BACH2: variants seen among roughly 807,000 people sequenced by gnomAD.
The protein encoded by BACH2 is transcription regulator protein BACH2.
In BACH2, 5 loss-of-function variants were observed where a neutral mutation model predicts 61.8. That is an observed-to-expected ratio of 0.08 (90% CI 0.04 to 0.17). The LOEUF (loss-of-function observed/expected upper bound fraction) is 0.17, where lower values mean the gene tolerates loss of function less well. BACH2 is among the 10% of genes least tolerant of loss of function. BACH2 has a pLI of 1.00. For synonymous variants in BACH2, 446 were observed against 440.1 expected (o/e 1.01, Z -0.17); for missense variants, 824 against 1,091.1 (o/e 0.76, Z 3.45).
At chr6:90,138,891 T>C (rs1341591728) in intron 4 of BACH2, among the ~76,000 whole-genome samples, 1 of 152,160 alleles carries the variant, frequency 6.6e-6, no homozygotes, top group East Asian at 1.9e-4. Context: ...TACCACATGG[T>C]TTTGTAACAA....
chr6:89,941,589 G>C (rs901318186), intron 7 of BACH2, among the ~76,000 whole-genome samples: 2 of 152,172 alleles, frequency 1.3e-5, no homozygotes, highest in African/African-American at 4.8e-5. Flanking sequence ...CTAATGATAT[G>C]AAAGAATGTT....
At chr6:90,070,544 G>A (rs1177726222) in intron 5 of BACH2, among the ~76,000 whole-genome samples, 1 of 152,178 alleles carries the variant, frequency 6.6e-6, no homozygotes, top group Non-Finnish European at 1.5e-5. Flanking sequence ...ATTCTGCATG[G>A]AGTGAGGACT....
chr6:90,046,543 C>T (rs1229647826), intron 5 of BACH2, among the ~76,000 whole-genome samples: 1 of 152,170 alleles, frequency 6.6e-6, no homozygotes, highest in Non-Finnish European at 1.5e-5. Context: ...ATATGGTACA[C>T]CTCCTCCCCA....
chr6:90,108,822 C>T lies in BACH2; in HGVS notation c.-161-19713G>A, dbSNP rs183270981. Among the ~76,000 whole-genome samples, 43 of 152,296 alleles carry T rather than the reference C, an allele frequency of 2.8e-4. 1 individual carries two copies. The highest frequency in any genetic ancestry group is 9.9e-4 in the African/African-American group (41 of 41,564). ...TCAATTTTAGCTATTCCCCAGTTAACCTTTTTATTGAGGACAGAGGGATGA... is the reference window on the plus strand; with the variant it reads ...TCAATTTTAGCTATTCCCCAGTTAATCTTTTTATTGAGGACAGAGGGATGA... On this transcript the variant is annotated intron_variant, in intron 4 of 8. Coordinates refer to ENST00000257749, the MANE Select transcript of BACH2 (RefSeq NM_021813.4).
At chr6:90,060,161 A>C (rs1780608701) in intron 5 of BACH2, among the ~76,000 whole-genome samples, 1 of 151,846 alleles carries the variant, frequency 6.6e-6, no homozygotes, top group African/African-American at 2.4e-5. Context: ...ACAAACAAAC[A>C]AAAAACACAA....
chr6:90,000,305 C>T (rs973502010), intron 6 of BACH2, among the ~76,000 whole-genome samples: 2 of 152,192 alleles, frequency 1.3e-5, no homozygotes, highest in Admixed American at 6.5e-5. Context: ...TGCCTTTAGG[C>T]ATTTCAAAAT....
chr6:90,062,742 T>C (rs1430460016), intron 5 of BACH2: 3 of 172,652 alleles, frequency 1.7e-5, no homozygotes, highest in Non-Finnish European at 1.1e-5. Flanking sequence ...ATCTTGCCTC[T>C]TTCCCTTCTC....
intron 1 of BACH2, among the ~76,000 whole-genome samples, chr6:90,273,481 G>A (rs1267894534): frequency 6.6e-6 from 1 of 152,214 alleles, no homozygotes; most frequent in East Asian, 1.9e-4. Flanking sequence ...ACTCCATTAA[G>A]TGTTAAATGG....
At chr6:90,241,403 G>A (rs1770448712) in intron 3 of BACH2, among the ~76,000 whole-genome samples, 2 of 152,106 alleles carry the variant, frequency 1.3e-5, no homozygotes, top group African/African-American at 4.8e-5. Flanking sequence ...GGCAGGCTGG[G>A]ACAGAGAGTC....
At chr6:90,041,323 TAAG>T (rs1779523131) in intron 5 of BACH2, among the ~76,000 whole-genome samples, 1 of 151,450 alleles carries the variant, frequency 6.6e-6, no homozygotes, top group South Asian at 2.1e-4. Context: ...AATTTTATGT[TAAG>T]GAGGTATCCA....
intron 5 of BACH2, among the ~76,000 whole-genome samples, chr6:90,011,932 A>ATGTGTGTGTGTG (rs71027919): frequency 0.012 from 1,328 of 114,216 alleles, 26 homozygotes; most frequent in East Asian, 0.019. Flanking sequence ...AAAAAAAAAT[A>ATGTGTGTGTGTG]TGTGTGTGTG....
intron 5 of BACH2, among the ~76,000 whole-genome samples, chr6:90,067,022 A>G (rs1375106368): frequency 6.6e-6 from 1 of 152,242 alleles, no homozygotes; most frequent in Non-Finnish European, 1.5e-5. Context: ...CACTCGTATG[A>G]TTCACAATTA....
chr6:90,165,862 A>T (rs942730392), intron 4 of BACH2, among the ~76,000 whole-genome samples: 39 of 152,240 alleles, frequency 2.6e-4, no homozygotes, highest in Admixed American at 2.3e-3. Flanking sequence ...CATTTGTAGA[A>T]AGCTGAAAGT....
chr6:90,057,931 G>A (rs1780458472), intron 5 of BACH2, among the ~76,000 whole-genome samples: 1 of 152,194 alleles, frequency 6.6e-6, no homozygotes, highest in Admixed American at 6.5e-5. Flanking sequence ...AATGCTTCAT[G>A]CTAAAAACTC....
intron 4 of BACH2, among the ~76,000 whole-genome samples, chr6:90,134,758 G>C (rs1784215978): frequency 6.6e-6 from 1 of 152,226 alleles, no homozygotes; most frequent in Non-Finnish European, 1.5e-5. Context: ...TGTATGGTCT[G>C]GTTGAATTGA....
intron 3 of BACH2, among the ~76,000 whole-genome samples, chr6:90,217,261 T>G (rs1237876032): frequency 6.6e-6 from 1 of 152,204 alleles, no homozygotes; most frequent in Non-Finnish European, 1.5e-5. Flanking sequence ...CAGTGGTAGC[T>G]ATTAACAGAA....
In BACH2 at chr6:90,095,779, T is replaced by TCATCATCTCCA. The variant is rs1562440642; in HGVS notation, c.-161-6671_-161-6670insTGGAGATGATG. Among the ~76,000 whole-genome samples the TCATCATCTCCA allele has an allele frequency of 4.0e-5, 6 of 151,552 alleles. No individual in the cohort carries two copies. In the East Asian group the frequency reaches 1.2e-3, roughly 30 times the overall value. On this transcript the variant is annotated intron_variant, in intron 4 of 8. Transcript: ENST00000257749. ...CATCACCATCATCATCATCATCATCTCCACCACCACCACCACTGCCGCCTT... is the reference window on the plus strand; with the variant it reads ...CATCACCATCATCATCATCATCATCTCATCATCTCCACCACCACCACCACCACTGCCGCCTT...
At chr6:90,058,879 T>C (rs1207768028) in intron 5 of BACH2, among the ~76,000 whole-genome samples, 1 of 152,228 alleles carries the variant, frequency 6.6e-6, no homozygotes, top group Non-Finnish European at 1.5e-5. Context: ...GGGGAAAGGA[T>C]TCCCTATTTA....
At chr6:89,993,974 T>A (rs1458673899) in intron 6 of BACH2, among the ~76,000 whole-genome samples, 2 of 152,170 alleles carry the variant, frequency 1.3e-5, no homozygotes, top group Non-Finnish European at 2.9e-5. Context: ...CCCTTATTAC[T>A]GAACATTGTG....
Sources: gnomAD v4.1 joint callset for allele counts (sites outside exome capture counted in the v4.1 genomes callset) on GRCh38, gnomAD v4.1.1 for gene constraint, MANE v1.5 for transcripts, NCBI Gene and HGNC (gene_info 2026-07-23, HGNC 2026-07-21) for gene names.